MLIP: variants seen among roughly 807,000 people sequenced by gnomAD.
MLIP encodes the protein muscular LMNA-interacting protein.
In MLIP, 79 loss-of-function variants were observed where a neutral mutation model predicts 84.8. The observed-to-expected ratio is 0.93, with a 90% CI of 0.78 to 1.12. The LOEUF is 1.12. MLIP is among the 50% of genes most tolerant of loss of function. The probability of loss-of-function intolerance (pLI) is 0.00; values close to 1 mark genes in which losing one functional copy is unlikely to be tolerated. For synonymous variants in MLIP, 504 were observed against 463.0 expected (o/e 1.09, Z -1.14); for missense variants, 1,257 against 1,160.6 (o/e 1.08, Z -1.21).
chr6:54,195,941 G>A (rs1023295638), intron 10 of MLIP, among the ~76,000 whole-genome samples: 1 of 152,128 alleles, frequency 6.6e-6, no homozygotes, highest in African/African-American at 2.4e-5. Flanking sequence ...TTAAAATCGT[G>A]TAAAGTCCCT....
chr6:54,187,093 G>T (rs1388743242), intron 9 of MLIP, among the ~76,000 whole-genome samples: 1 of 152,092 alleles, frequency 6.6e-6, no homozygotes, highest in Non-Finnish European at 1.5e-5. Flanking sequence ...GAGAAAACAG[G>T]ACTCCAAACC....
chr6:54,139,290 T>A (rs1772095048), intron 4 of MLIP, among the ~76,000 whole-genome samples: 1 of 152,178 alleles, frequency 6.6e-6, no homozygotes, highest in Admixed American at 6.5e-5. Flanking sequence ...CAAAATTAAT[T>A]GTGTAAGTCA....
chr6:54,252,517 A>G (rs1186495785), intron 12 of MLIP, among the ~76,000 whole-genome samples: 28 of 143,364 alleles, frequency 2.0e-4, no homozygotes, highest in Non-Finnish European at 3.8e-4. Context: ...ATTATAACAT[A>G]TAATATATAA....
chr6:54,170,881 G>A (rs1775700069), intron 9 of MLIP, among the ~76,000 whole-genome samples: 2 of 151,030 alleles, frequency 1.3e-5, no homozygotes, highest in Non-Finnish European at 3.0e-5. Context: ...TGATTTAATT[G>A]AGTTCCTTGA....
intron 13 of MLIP, among the ~76,000 whole-genome samples, chr6:54,265,621 G>A (rs775343111): frequency 4.9e-4 from 75 of 152,074 alleles, no homozygotes; most frequent in Non-Finnish European, 7.6e-4. Context: ...GGAAGGGTGT[G>A]GGTGTGGGTG....
At chr6:54,263,721 A>T (rs752459798) in intron 13 of MLIP, among the ~76,000 whole-genome samples, 17 of 120,034 alleles carry the variant, frequency 1.4e-4, no homozygotes, top group African/African-American at 3.7e-4. Flanking sequence ...CTCTGAATTT[A>T]AAAAAAAACC....
chr6:54,182,252 A>C (rs1305202472), intron 9 of MLIP, among the ~76,000 whole-genome samples: 2 of 152,170 alleles, frequency 1.3e-5, no homozygotes, highest in African/African-American at 4.8e-5. Context: ...ATCTGTGGGC[A>C]CTGGCTGAGC....
chr6:54,116,760 C>A (rs940725358), intron 1 of MLIP, among the ~76,000 whole-genome samples: 7 of 152,148 alleles, frequency 4.6e-5, no homozygotes, highest in Admixed American at 2.0e-4. Context: ...TTGCATTACC[C>A]TGATGCCAAA....
chr6:54,201,674 T>G (rs182209995), intron 10 of MLIP, among the ~76,000 whole-genome samples: 1 of 152,156 alleles, frequency 6.6e-6, no homozygotes, highest in African/African-American at 2.4e-5. Flanking sequence ...GCTTTGTAGA[T>G]TTTGGGGCAT....
intron 1 of MLIP, among the ~76,000 whole-genome samples, chr6:54,080,964 C>T (rs1289624229): frequency 1.3e-5 from 2 of 152,012 alleles, no homozygotes; most frequent in Admixed American, 6.6e-5. Context: ...ACCATCCTCA[C>T]CCTGACCTCA....
intron 1 of MLIP, among the ~76,000 whole-genome samples, chr6:54,099,198 T>C (rs1768453624): frequency 6.6e-6 from 1 of 152,028 alleles, no homozygotes; most frequent in South Asian, 2.1e-4. Flanking sequence ...AATATTATTA[T>C]TTAAAAAATA....
chr6:54,125,008 T>C (rs1770801927), intron 3 of MLIP, 143 bp downstream of exon 3: 1 of 623,920 alleles, frequency 1.6e-6, no homozygotes. Flanking sequence ...TATCTCAGGG[T>C]AATAAATCAT....
At chr6:54,249,158 T>A (rs1013556162) in intron 12 of MLIP, among the ~76,000 whole-genome samples, 1 of 151,808 alleles carries the variant, frequency 6.6e-6, no homozygotes, top group Non-Finnish European at 1.5e-5. Flanking sequence ...ATCAATAGAT[T>A]TTTTTGCTTA....
intron 10 of MLIP, among the ~76,000 whole-genome samples, chr6:54,191,639 C>T (rs977062032): frequency 6.6e-6 from 1 of 152,152 alleles, no homozygotes; most frequent in Non-Finnish European, 1.5e-5. Flanking sequence ...CTATTGCGTA[C>T]TTTCCAAGCC....
chr6:54,265,632 A>T (rs1416110121), intron 13 of MLIP, among the ~76,000 whole-genome samples: 1 of 152,078 alleles, frequency 6.6e-6, no homozygotes, highest in African/African-American at 2.4e-5. Flanking sequence ...GGTGTGGGTG[A>T]GATATAACAG....
In MLIP at chr6:54,019,277, G is replaced by A. The variant is rs150461215; in HGVS notation, c.63+186G>A. On this transcript the variant is annotated intron_variant, in intron 1 of 12. Coordinates refer to the MLIP transcript ENST00000274897. ...AATGTAATAAAGTTATATATAAAAT[G>A]CCATTACACAAATGAGGGCAAATTT... 9.6e-4 allele frequency among the ~76,000 whole-genome samples: 146 copies of A among 152,176 alleles called. 2 individuals carry two copies. In the East Asian group the frequency reaches 0.023, roughly 24 times the overall value.
At chr6:54,088,073 C>T (rs1348955850) in intron 1 of MLIP, among the ~76,000 whole-genome samples, 1 of 152,168 alleles carries the variant, frequency 6.6e-6, no homozygotes, top group Non-Finnish European at 1.5e-5. Flanking sequence ...AGGAAATTTG[C>T]ATATTCTTAT....
chr6:54,019,423 G>A (rs1034205988), intron 1 of MLIP, among the ~76,000 whole-genome samples: 2 of 152,134 alleles, frequency 1.3e-5, no homozygotes, highest in South Asian at 2.1e-4. Context: ...GAAGCTTAGC[G>A]AGTGTTCAAA....
chr6:54,250,468 A>G (rs1205011927), intron 12 of MLIP, among the ~76,000 whole-genome samples: 1 of 152,146 alleles, frequency 6.6e-6, no homozygotes, highest in East Asian at 1.9e-4. Context: ...CCAAATGCCC[A>G]TCAATGATAG....
Sources: gnomAD v4.1 joint callset for allele counts (sites outside exome capture counted in the v4.1 genomes callset) on GRCh38, gnomAD v4.1.1 for gene constraint, MANE v1.5 for transcripts, NCBI Gene and HGNC (gene_info 2026-07-23, HGNC 2026-07-21) for gene names.